The following SORCS3 variants were observed in gnomAD, a reference collection of about 807,000 sequenced individuals.
SORCS3 encodes VPS10 domain-containing receptor SorCS3.
In SORCS3, 57 loss-of-function variants were observed where a neutral mutation model predicts 146.3. The ratio of observed to expected loss-of-function variants is 0.39; its 90% CI spans 0.31 to 0.49. The LOEUF is 0.49. SORCS3 is among the 20% of genes least tolerant of loss of function. The pLI, the probability that SORCS3 is intolerant of heterozygous loss-of-function variation, is 0.92. For synonymous variants in SORCS3, 653 were observed against 618.5 expected (o/e 1.06, Z -0.83); for missense variants, 1,341 against 1,575.5 (o/e 0.85, Z 2.52).
intron 7 of SORCS3, 98 bp from the exon 8 acceptor site, chr10:105,139,299 C>T (rs1275676961): frequency 1.1e-6 from 1 of 889,076 alleles, no homozygotes; most frequent in Non-Finnish European, 1.9e-6. Context: ...AAGGTAATTA[C>T]AAACCCATTG....
intron 1 of SORCS3, among the ~76,000 whole-genome samples, chr10:104,778,804 A>G (rs1175198694): frequency 6.6e-6 from 1 of 152,190 alleles, no homozygotes; most frequent in African/African-American, 2.4e-5. Context: ...GCACATCTCC[A>G]GGCATTACTG....
intron 1 of SORCS3, among the ~76,000 whole-genome samples, chr10:104,701,248 A>G (rs1266344147): frequency 2.6e-5 from 4 of 152,190 alleles, no homozygotes; most frequent in African/African-American, 4.8e-5. Flanking sequence ...TTTCCAAACC[A>G]TTTGTTTGGA....
chr10:105,017,376 A>G (rs1488927214), intron 4 of SORCS3, among the ~76,000 whole-genome samples: 4 of 152,180 alleles, frequency 2.6e-5, no homozygotes, highest in African/African-American at 9.6e-5. Flanking sequence ...GTGCTGACAA[A>G]TAAAGAGTCT....
chr10:104,642,022 G>GGGGGGGGGGGGC, intron 1 of SORCS3, 68 bp downstream of exon 1: 1 of 173,334 alleles, frequency 5.8e-6, no homozygotes, highest in Non-Finnish European at 1.1e-5. Flanking sequence ...GGGTGGGTGG[G>GGGGGGGGGGGGC]AGCGAGGGAC....
rs907819582 is a variant in SORCS3, at chr10:104,693,271, G to C, written c.627+51317G>C. Among the ~76,000 whole-genome samples, 8 of 152,278 alleles carry C rather than the reference G, an allele frequency of 5.3e-5. No homozygotes were observed. In the South Asian group the frequency reaches 1.2e-3, roughly 24 times the overall value. On this transcript the variant is annotated intron_variant, in intron 1 of 26. Coordinates refer to ENST00000369701, the MANE Select transcript of SORCS3 (RefSeq NM_014978.3). The stretch of plus-strand genomic sequence containing the variant: ...CTCCAGTGTATGGAATGGAAAGTGA[G>C]GATGCCCTCACGGATGTGTGAGGTT...
At position 105,164,342 on chromosome 10, in the gene SORCS3, T is replaced by C; in HGVS notation, c.1772T>C (p.Val591Ala). Residue 591 changes from valine to alanine, a missense_variant, in exon 12 of 27, where the codon GTG (valine) becomes GCG (alanine). Physicochemically the swap from Val to Ala is moderately conservative, Grantham distance 64 (BLOSUM62 0). Transcript: ENST00000369701. ...GAGCTCTCATATACTGATATTGGTG[T>C]GTTCATCTCCTCCGATGGGGGCAAC... is the stretch of plus-strand genomic sequence containing the variant. Reference protein sequence around the residue: ...GPELSYTDIGVFISSDGGNTW... With the variant: ...GPELSYTDIGAFISSDGGNTW... The C allele has an allele frequency of 6.2e-7, 1 of 1,613,710 alleles. No individual in the cohort carries two copies.
intron 14 of SORCS3, among the ~76,000 whole-genome samples, chr10:105,181,145 T>C (rs915090478): frequency 1.3e-5 from 2 of 152,134 alleles, no homozygotes; most frequent in Non-Finnish European, 2.9e-5. Context: ...ACATGGAGGA[T>C]TTAACAGTAT....
At chr10:105,053,689 G>A (rs1395096360) in intron 5 of SORCS3, among the ~76,000 whole-genome samples, 2 of 151,658 alleles carry the variant, frequency 1.3e-5, no homozygotes, top group African/African-American at 2.4e-5. Flanking sequence ...ACATTCTCCT[G>A]TGCCATCCTC....
At chr10:105,251,189 A>G (rs1038739553) in intron 22 of SORCS3, among the ~76,000 whole-genome samples, 3 of 152,178 alleles carry the variant, frequency 2.0e-5, no homozygotes, top group African/African-American at 4.8e-5. Context: ...AGGAAACTTA[A>G]CAATCATGGC....
Position 105,056,592 on chromosome 10 carries a change from C to T in SORCS3, c.1028+13464C>T, listed in dbSNP as rs544503934. On this transcript the variant is annotated intron_variant, in intron 5 of 26. Transcript: ENST00000369701. ...TATGAAGATTTATTAACATTTGGCACTTTCTTGTGATGCTTAAGTGCATTT... is the reference window on the plus strand; with the variant it reads ...TATGAAGATTTATTAACATTTGGCATTTTCTTGTGATGCTTAAGTGCATTT... Among the ~76,000 whole-genome samples the T allele has an allele frequency of 3.9e-5, 6 of 152,272 alleles. No homozygotes were observed. The South Asian group carries it at 1.2e-3, about 32-fold the overall frequency.
At chr10:104,741,134 A>AT (rs34447542) in intron 1 of SORCS3, among the ~76,000 whole-genome samples, 36,563 of 104,908 alleles carry the variant, frequency 0.35, 6,231 homozygotes, top group South Asian at 0.36. Context: ...GATAATTTAA[A>AT]TTTTTTTTTT....
chr10:105,008,262 G>A (rs549022246), intron 4 of SORCS3, among the ~76,000 whole-genome samples: 1 of 152,238 alleles, frequency 6.6e-6, no homozygotes, highest in South Asian at 2.1e-4. Context: ...CTTTTCTTCT[G>A]GGAATCCCTA....
chr10:105,185,595 G>A (rs2056470398), intron 14 of SORCS3, among the ~76,000 whole-genome samples: 1 of 152,104 alleles, frequency 6.6e-6, no homozygotes, highest in Non-Finnish European at 1.5e-5. Flanking sequence ...TGTCTTACAG[G>A]TTTTTGTTGA....
intron 20 of SORCS3, among the ~76,000 whole-genome samples, chr10:105,234,796 T>C (rs760186290): frequency 1.1e-4 from 16 of 152,128 alleles, no homozygotes; most frequent in Admixed American, 2.0e-4. Context: ...TGAAATCTTT[T>C]AGCACATTAA....
In SORCS3 at chr10:105,201,230, C is replaced by G. The variant is rs372514667; in HGVS notation, c.2238C>G (p.Val746=). The change falls in exon 16 of 27, where the codon GTC becomes GTG. Residue 746 remains valine (V), a synonymous_variant. Coordinates refer to ENST00000369701, the MANE Select transcript of SORCS3 (RefSeq NM_014978.3). ...HSGSVVSEPC[V]CANWDFECDY... ...GATCAGTGGTCTCAGAACCCTGTGT[C>G]TGTGCCAATTGGGACTTCGAGTGGT... 9.9e-6 allele frequency: 16 copies of G among 1,610,190 alleles called. No homozygotes were observed. Among genetic ancestry groups the G allele is most frequent in the African/African-American group, 1.3e-5 (1 of 74,796 alleles).
At chr10:104,886,966 T>C (rs1564706084) in intron 2 of SORCS3, among the ~76,000 whole-genome samples, 1 of 152,212 alleles carries the variant, frequency 6.6e-6, no homozygotes, top group Non-Finnish European at 1.5e-5. Context: ...GTAATATTTA[T>C]GTGGGAGTAT....
chr10:105,016,969 T>A (rs769171724), intron 4 of SORCS3, among the ~76,000 whole-genome samples: 2 of 152,178 alleles, frequency 1.3e-5, no homozygotes, highest in Non-Finnish European at 2.9e-5. Context: ...ACTCTTGGAA[T>A]CAAGAGAGCA....
intron 1 of SORCS3, among the ~76,000 whole-genome samples, chr10:104,666,792 A>T (rs978974628): frequency 3.3e-5 from 5 of 151,946 alleles, no homozygotes; most frequent in African/African-American, 1.2e-4. Flanking sequence ...TTTTTTATAG[A>T]GATGGGGTCT....
chr10:104,876,907 G>A (rs2018580809), intron 2 of SORCS3, among the ~76,000 whole-genome samples: 1 of 151,412 alleles, frequency 6.6e-6, no homozygotes, highest in Admixed American at 6.6e-5. Context: ...TCAGGGTGGA[G>A]TATAGCAAAG....
Sources: allele counts gnomAD v4.1 joint callset (sites outside exome capture counted in the v4.1 genomes callset), GRCh38; gene constraint gnomAD v4.1.1; transcripts MANE v1.5; gene names NCBI Gene and HGNC (gene_info 2026-07-23, HGNC 2026-07-21).